CACNB4: variants seen among roughly 807,000 people sequenced by gnomAD.
The protein encoded by CACNB4 is voltage-dependent L-type calcium channel subunit beta-4.
In CACNB4, 32 loss-of-function variants were observed where a neutral mutation model predicts 71.2. The ratio of observed to expected loss-of-function variants is 0.45; its 90% CI spans 0.34 to 0.60. The LOEUF is 0.60. CACNB4 is among the 20% of genes least tolerant of loss of function. CACNB4 has a pLI of 0.01. For missense variants in CACNB4, 464 were observed against 647.9 expected (o/e 0.72, Z 3.08); for synonymous variants, 231 against 236.9 (o/e 0.97, Z 0.23).
At chr2:151,938,382 GC>G (rs2099863452) in intron 2 of CACNB4, among the ~76,000 whole-genome samples, 1 of 152,164 alleles carries the variant, frequency 6.6e-6, no homozygotes. Context: ...TACTTACTTA[GC>G]CTCTGATGAG....
chr2:151,972,672 T>C (rs1181161764), intron 2 of CACNB4: 3 of 152,112 alleles, frequency 2.0e-5, no homozygotes, highest in Non-Finnish European at 2.9e-5. Context: ...TACGTCTGCA[T>C]TGACGTATAC....
At chr2:151,895,036 A>T (rs1195076626) in intron 2 of CACNB4, among the ~76,000 whole-genome samples, 2 of 151,688 alleles carry the variant, frequency 1.3e-5, no homozygotes, top group Non-Finnish European at 2.9e-5. Flanking sequence ...TACCAATAAC[A>T]TTCTTCAAAG....
chr2:151,898,708 T>TA (rs950443939), intron 2 of CACNB4, among the ~76,000 whole-genome samples: 5 of 152,234 alleles, frequency 3.3e-5, no homozygotes, highest in African/African-American at 1.2e-4. Flanking sequence ...ACAAATTTAT[T>TA]AAAAATAGGT....
chr2:151,840,865 C>T (rs759651083), intron 13 of CACNB4, among the ~76,000 whole-genome samples: 2 of 152,146 alleles, frequency 1.3e-5, no homozygotes, highest in Admixed American at 6.5e-5. Flanking sequence ...CAGTTTGCTG[C>T]GGGTTTGGCC....
intron 2 of CACNB4, among the ~76,000 whole-genome samples, chr2:151,891,856 A>G (rs1193368058): frequency 6.6e-6 from 1 of 152,134 alleles, no homozygotes; most frequent in Non-Finnish European, 1.5e-5. Context: ...GAATAACAAC[A>G]TGGGACACTG....
chr2:151,885,007 A>G (rs2099849006), intron 2 of CACNB4, among the ~76,000 whole-genome samples: 3 of 152,224 alleles, frequency 2.0e-5, no homozygotes, highest in African/African-American at 7.2e-5. Context: ...GTTTTTCTAC[A>G]TGTAGAAATG....
intron 2 of CACNB4, among the ~76,000 whole-genome samples, chr2:151,958,355 G>A (rs574802329): frequency 2.1e-4 from 32 of 152,250 alleles, no homozygotes; most frequent in African/African-American, 7.2e-4. Context: ...CCTGGTAACC[G>A]GGAGTCCCAG....
At chr2:151,845,055 T>C (rs2099837192) in intron 12 of CACNB4, among the ~76,000 whole-genome samples, 1 of 152,248 alleles carries the variant, frequency 6.6e-6, no homozygotes, top group Non-Finnish European at 1.5e-5. Context: ...GCAGCACCTA[T>C]GGCAGAATGT....
intron 2 of CACNB4, chr2:151,884,299 C>G (rs1329182351): frequency 7.3e-6 from 1 of 136,830 alleles, no homozygotes; most frequent in African/African-American, 2.7e-5. Flanking sequence ...GACTCCATCT[C>G]AAAAAAAAAA....
chr2:152,053,937 C>T (rs1375905114), intron 2 of CACNB4, among the ~76,000 whole-genome samples: 2 of 152,148 alleles, frequency 1.3e-5, no homozygotes, highest in Non-Finnish European at 2.9e-5. Flanking sequence ...GGGAGAGGTG[C>T]TGACTGAGCC....
At chr2:151,976,906 G>A (rs1021547198) in intron 2 of CACNB4, among the ~76,000 whole-genome samples, 41 of 152,078 alleles carry the variant, frequency 2.7e-4, no homozygotes, top group African/African-American at 8.9e-4. Flanking sequence ...AAGTTCCTAG[G>A]GCCAAATTTC....
chr2:152,066,601 C>T (rs575157679), intron 2 of CACNB4, among the ~76,000 whole-genome samples: 2 of 149,702 alleles, frequency 1.3e-5, no homozygotes, highest in Non-Finnish European at 3.0e-5. Context: ...CCTCAGGGAT[C>T]TAGAACTAGA....
At chr2:152,033,521 C>T (rs1355366286) in intron 2 of CACNB4, among the ~76,000 whole-genome samples, 1 of 152,228 alleles carries the variant, frequency 6.6e-6, no homozygotes, top group African/African-American at 2.4e-5. Flanking sequence ...CTATCATCCT[C>T]TGCCATTTAA....
chr2:152,076,254 G>A (rs1220384383), intron 2 of CACNB4, among the ~76,000 whole-genome samples: 1 of 141,156 alleles, frequency 7.1e-6, no homozygotes, highest in Non-Finnish European at 1.5e-5. Context: ...GCAATTCTCT[G>A]CCTCAGCCTC....
intron 2 of CACNB4, among the ~76,000 whole-genome samples, chr2:151,937,352 T>C (rs1039467867): frequency 6.6e-6 from 1 of 152,194 alleles, no homozygotes; most frequent in Non-Finnish European, 1.5e-5. Flanking sequence ...CCTTACACTA[T>C]GAAAATGCAA....
At chr2:151,891,958 C>T (rs548658937) in intron 2 of CACNB4, among the ~76,000 whole-genome samples, 1 of 152,264 alleles carries the variant, frequency 6.6e-6, no homozygotes, top group South Asian at 2.1e-4. Context: ...GGGTGGCTCC[C>T]GCTGGCTGAT....
At chr2:151,871,161 C>A in intron 6 of CACNB4, 1 of 435,678 alleles carries the variant, frequency 2.3e-6, no homozygotes, top group Non-Finnish European at 4.1e-6. Flanking sequence ...AGCCAATCAC[C>A]ATGGGTTGTT....
At position 151,839,351 on chromosome 2, in the gene CACNB4, G is replaced by A. The variant is rs796052291; in HGVS notation, c.1331C>T (p.Ser444Phe). 1 of 1,611,550 alleles carries A rather than the reference G, an allele frequency of 6.2e-7. No homozygotes were observed. Among genetic ancestry groups the A allele is most frequent in the Non-Finnish European group, 8.5e-7 (1 of 1,177,796 alleles). Residue 444 changes from serine to phenylalanine, a missense_variant, in exon 14 of 14, where the codon TCC (serine) becomes TTC (phenylalanine). Ser to Phe is a radical substitution (Grantham distance 155). Coordinates refer to ENST00000539935, the MANE Select transcript of CACNB4 (RefSeq NM_000726.5). The part of the protein sequence containing the change: ...QSQRMRHSNH[S>F]TENSPIERRS... ...TCTTTCAATTGGAGAGTTCTCTGTG[G>A]AGTGGTTGCTGTGCCTCATTCGCTG...
chr2:152,046,353 G>A (rs935459528), intron 2 of CACNB4, among the ~76,000 whole-genome samples: 1 of 152,098 alleles, frequency 6.6e-6, no homozygotes, highest in African/African-American at 2.4e-5. Flanking sequence ...GGTAAAAAGA[G>A]GTTAAATTAC....
Sources: allele counts gnomAD v4.1 joint callset (sites outside exome capture counted in the v4.1 genomes callset), GRCh38; gene constraint gnomAD v4.1.1; transcripts MANE v1.5; gene names NCBI Gene and HGNC (gene_info 2026-07-23, HGNC 2026-07-21).